The following PHF14 variants were observed in gnomAD, a reference collection of about 807,000 sequenced individuals.
PHF14 encodes PHD finger protein 14.
In PHF14, 55 loss-of-function variants were observed where a neutral mutation model predicts 117.9. That is an observed-to-expected ratio of 0.47 (90% CI 0.38 to 0.58). PHF14 has a LOEUF of 0.58. PHF14 is among the 20% of genes least tolerant of loss of function. The pLI is 0.00. For missense variants in PHF14, 978 were observed against 1,122.2 expected (o/e 0.87, Z 1.84); for synonymous variants, 409 against 368.6 (o/e 1.11, Z -1.26).
At chr7:11,142,250 G>A (rs1268502306) in intron 17 of PHF14, among the ~76,000 whole-genome samples, 3 of 151,796 alleles carry the variant, frequency 2.0e-5, no homozygotes, top group Admixed American at 6.6e-5. Context: ...GTAAACTCAG[G>A]TATCTTCACA....
chr7:11,066,108 ATTG>A (rs980902346), intron 16 of PHF14, among the ~76,000 whole-genome samples: 4 of 152,182 alleles, frequency 2.6e-5, no homozygotes, highest in Non-Finnish European at 5.9e-5. Flanking sequence ...GTCTGTAAAC[ATTG>A]TTGTTCGCAC....
intron 16 of PHF14, among the ~76,000 whole-genome samples, chr7:11,085,550 T>A (rs1786365743): frequency 6.6e-6 from 1 of 152,222 alleles, no homozygotes; most frequent in African/African-American, 2.4e-5. Context: ...AATCGTTTTT[T>A]AATTTTCTAA....
At chr7:11,158,440 A>G (rs540605583) in intron 17 of PHF14, among the ~76,000 whole-genome samples, 1 of 152,266 alleles carries the variant, frequency 6.6e-6, no homozygotes, top group South Asian at 2.1e-4. Context: ...TGATGTCAGT[A>G]TACATACTAT....
In PHF14 at chr7:10,982,692, G is replaced by T. The variant is rs1246802380; in HGVS notation, c.433G>T (p.Ala145Ser). 5 of 1,605,116 alleles carry T rather than the reference G, an allele frequency of 3.1e-6. No homozygotes were observed. In the Admixed American group the frequency reaches 8.6e-5, roughly 28 times the overall value. ...KEKATVSENVAASAAATTPAT... is the reference protein window; with the variant it reads ...KEKATVSENVSASAAATTPAT... ...AAAAGCAACAGTATCTGAGAATGTG[G>T]CTGCTTCTGCTGCTGCCACCACACC... Residue 145 changes from alanine to serine, a missense_variant, in exon 3 of 18, where the codon GCT becomes TCT. Coordinates refer to ENST00000634607, the MANE Select transcript of PHF14 (RefSeq NM_001007157.2).
rs925826363 is a variant in PHF14 at position 11,106,866 on chromosome 7, A to G, written c.2655-4484A>G. On this transcript the variant is annotated intron_variant, in intron 16 of 17. Coordinates refer to ENST00000634607, the MANE Select transcript of PHF14 (RefSeq NM_001007157.2). ...ATAATAGTCTATATTTTCAGAGTCCAGTTTTTGTTTTGCTTTATATAAACT... is the reference window on the plus strand; with the variant it reads ...ATAATAGTCTATATTTTCAGAGTCCGGTTTTTGTTTTGCTTTATATAAACT... 83 of 983,512 alleles carry G rather than the reference A, an allele frequency of 8.4e-5. 1 individual carries two copies. Among genetic ancestry groups the G allele is most frequent in the Non-Finnish European group, 9.3e-5 (77 of 828,472 alleles). 60.9% of individuals were successfully genotyped at this position (983,512 alleles called of 1,614,324 possible).
chr7:11,017,815 T>C (rs1392800836), intron 5 of PHF14, among the ~76,000 whole-genome samples: 1 of 152,176 alleles, frequency 6.6e-6, no homozygotes, highest in Non-Finnish European at 1.5e-5. Context: ...CTTGTGCTTG[T>C]GGAGTTTCGC....
intron 4 of PHF14, among the ~76,000 whole-genome samples, chr7:11,008,445 A>C (rs1305676778): frequency 6.6e-6 from 1 of 151,882 alleles, no homozygotes; most frequent in Middle Eastern, 3.2e-3. Flanking sequence ...CCTGAACTCC[A>C]CCTCCTGTCG....
intron 5 of PHF14, chr7:11,015,337 C>A (rs1783497936): frequency 6.6e-6 from 1 of 151,992 alleles, no homozygotes; most frequent in South Asian, 2.1e-4. Flanking sequence ...CTTGGAGAAT[C>A]CCATGTGTTG....
At chr7:11,121,896 T>C (rs1787767540) in intron 17 of PHF14, among the ~76,000 whole-genome samples, 1 of 151,924 alleles carries the variant, frequency 6.6e-6, no homozygotes, top group Non-Finnish European at 1.5e-5. Flanking sequence ...GTCCAGAACG[T>C]ACAGGTTTGT....
intron 6 of PHF14, among the ~76,000 whole-genome samples, chr7:11,027,125 C>G (rs1211442093): frequency 6.6e-6 from 1 of 152,128 alleles, no homozygotes; most frequent in Non-Finnish European, 1.5e-5. Context: ...TCTGAAATCC[C>G]TTGCTCAATT....
At chr7:11,027,133 A>G (rs568829888) in intron 6 of PHF14, among the ~76,000 whole-genome samples, 7 of 152,292 alleles carry the variant, frequency 4.6e-5, no homozygotes, top group South Asian at 2.1e-4. Context: ...CCCTTGCTCA[A>G]TTTCAACATA....
Position 11,042,783 on chromosome 7 carries a change from A to C in PHF14, c.2281A>C (p.Arg761=). The C allele has an allele frequency of 1.3e-6, 2 of 1,585,294 alleles. No homozygotes were observed. Among genetic ancestry groups the C allele is most frequent in the Non-Finnish European group, 1.7e-6 (2 of 1,162,730 alleles). The change falls in exon 13 of 18, where the codon AGG becomes CGG. Residue 761 remains arginine (R), a synonymous_variant. Transcript: ENST00000634607. ...HLGCLDPPLT[R]MPRKTKNSYW... ...TGGATGTCTGGATCCTCCTCTTACA[A>C]GGATGCCAAGAAAGACCAAAAACAG... is the stretch of plus-strand genomic sequence containing the variant.
chr7:11,114,719 C>CCA (rs1271335690), intron 17 of PHF14, among the ~76,000 whole-genome samples: 1 of 152,012 alleles, frequency 6.6e-6, no homozygotes, highest in Non-Finnish European at 1.5e-5. Flanking sequence ...ACAAACATAT[C>CCA]CACACGTATT....
At chr7:11,035,080 G>T in intron 7 of PHF14, among the ~76,000 whole-genome samples, 1 of 150,534 alleles carries the variant, frequency 6.6e-6, no homozygotes. Flanking sequence ...CACATTCTTA[G>T]ATTCAACCAA....
intron 16 of PHF14, among the ~76,000 whole-genome samples, chr7:11,081,393 A>C (rs1196658978): frequency 4.6e-5 from 7 of 152,218 alleles, no homozygotes; most frequent in Non-Finnish European, 1.0e-4. Flanking sequence ...TCATTATAAT[A>C]GTGAAAAATA....
At chr7:11,152,404 C>G (rs1026521307) in intron 17 of PHF14, among the ~76,000 whole-genome samples, 3 of 152,070 alleles carry the variant, frequency 2.0e-5, no homozygotes, top group African/African-American at 7.2e-5. Context: ...TAATATTTAT[C>G]TTGCCTGGCT....
intron 14 of PHF14, among the ~76,000 whole-genome samples, chr7:11,058,594 T>G (rs1485076859): frequency 2.0e-5 from 3 of 152,236 alleles, no homozygotes; most frequent in African/African-American, 7.2e-5. Context: ...TACCAAATTA[T>G]GTAGACTATA....
chr7:11,078,789 CTAAT>C (rs1418498955), intron 16 of PHF14, among the ~76,000 whole-genome samples: 1 of 151,968 alleles, frequency 6.6e-6, no homozygotes, highest in African/African-American at 2.4e-5. Context: ...TCATTTATTA[CTAAT>C]TGAGATAAGT....
chr7:11,062,284 A>C (rs1785252653), intron 16 of PHF14, 199 bp downstream of exon 16: 2 of 388,392 alleles, frequency 5.1e-6, no homozygotes, highest in Admixed American at 8.8e-5. Flanking sequence ...AATGTAAATA[A>C]GAGTGATAAT....
Sources: allele counts gnomAD v4.1 joint callset (sites outside exome capture counted in the v4.1 genomes callset), GRCh38; gene constraint gnomAD v4.1.1; transcripts MANE v1.5; gene names NCBI Gene and HGNC (gene_info 2026-07-23, HGNC 2026-07-21).